ECT2L: variants seen among roughly 807,000 people sequenced by gnomAD.
The protein encoded by ECT2L is epithelial cell transforming 2 like, also known as epithelial cell-transforming sequence 2 oncogene-like.
ECT2L carries 126 observed loss-of-function variants against 122.8 expected under a neutral mutation model. The ratio of observed to expected loss-of-function variants is 1.03; its 90% CI spans 0.89 to 1.19. The LOEUF (loss-of-function observed/expected upper bound fraction) is 1.19, where lower values mean the gene tolerates loss of function less well. Ranked by LOEUF, ECT2L falls within the 50% of genes most tolerant of loss-of-function variation. The pLI is 0.00. For missense variants in ECT2L, 1,012 were observed against 1,064.1 expected (o/e 0.95, Z 0.68); for synonymous variants, 385 against 381.8 (o/e 1.01, Z -0.10).
chr6:138,844,302 A>C, intron 6 of ECT2L, 110 bp from the exon 7 acceptor site: 8 of 1,300,608 alleles, frequency 6.2e-6, no homozygotes, highest in Non-Finnish European at 8.5e-6. Context: ...AATTATTGTC[A>C]TTTGGAACCT....
chr6:138,879,934 G>A (rs969887722), intron 14 of ECT2L, among the ~76,000 whole-genome samples: 1 of 151,920 alleles, frequency 6.6e-6, no homozygotes, highest in African/African-American at 2.4e-5. Context: ...GCCTGGAAAA[G>A]AGAGTAAGAC....
At chr6:138,868,977 G>A (rs1178900252) in intron 13 of ECT2L, among the ~76,000 whole-genome samples, 1 of 152,118 alleles carries the variant, frequency 6.6e-6, no homozygotes, top group African/African-American at 2.4e-5. Context: ...GACCAGCCTG[G>A]CCAACATGGT....
rs1404134467 is a variant in ECT2L, at chr6:138,901,133, T to C, written c.2587+13T>C. On this transcript the variant is annotated intron_variant, in intron 21 of 21. Transcript: ENST00000541398. ...CCAGATTCCAAGTGTATGTATTCTTTTCCTTCCAAGAGACAGATACCTTCA... is the reference window on the plus strand; with the variant it reads ...CCAGATTCCAAGTGTATGTATTCTTCTCCTTCCAAGAGACAGATACCTTCA... The C allele has an allele frequency of 6.2e-7, 1 of 1,612,634 alleles. No individual in the cohort carries two copies. Among genetic ancestry groups the C allele is most frequent in the Non-Finnish European group, 8.5e-7 (1 of 1,179,108 alleles).
intron 10 of ECT2L, among the ~76,000 whole-genome samples, chr6:138,859,136 G>T (rs1777730353): frequency 6.6e-6 from 1 of 152,108 alleles, no homozygotes; most frequent in Admixed American, 6.5e-5. Flanking sequence ...GCAAGCACTG[G>T]CCTAGAATCT....
At chr6:138,815,898 T>C (rs904710414) in intron 4 of ECT2L, among the ~76,000 whole-genome samples, 19 of 152,328 alleles carry the variant, frequency 1.2e-4, no homozygotes, top group African/African-American at 4.6e-4. Context: ...TCAGCCATTT[T>C]TTCTCTCCTC....
At chr6:138,886,409 T>A (rs116366389) in intron 18 of ECT2L, among the ~76,000 whole-genome samples, 2,680 of 149,446 alleles carry the variant, frequency 0.018, 81 homozygotes, top group African/African-American at 0.062. Flanking sequence ...AAAATTGAAA[T>A]TTTTTTTTTC....
intron 13 of ECT2L, chr6:138,870,199 C>G (rs1354512468): frequency 1.3e-5 from 2 of 152,506 alleles, no homozygotes; most frequent in East Asian, 1.9e-4. Context: ...TTAGGACAAA[C>G]CTCTGGAATT....
chr6:138,875,281 T>C (rs1778400261), intron 13 of ECT2L, among the ~76,000 whole-genome samples: 1 of 152,240 alleles, frequency 6.6e-6, no homozygotes, highest in Non-Finnish European at 1.5e-5. Flanking sequence ...GGCTGCAGGT[T>C]TGCAGACCAG....
At chr6:138,816,839 G>A (rs1402023959) in intron 4 of ECT2L, among the ~76,000 whole-genome samples, 1 of 152,148 alleles carries the variant, frequency 6.6e-6, no homozygotes, top group Non-Finnish European at 1.5e-5. Context: ...CCATTTACGG[G>A]TACAATTCAG....
intron 4 of ECT2L, among the ~76,000 whole-genome samples, chr6:138,836,122 A>C (rs6916561): frequency 0.51 from 78,025 of 151,748 alleles, 20,912 homozygotes; most frequent in East Asian, 0.8. Flanking sequence ...CCATAGCTGG[A>C]GATTACATCC....
chr6:138,806,814 C>T (rs1178465711), intron 1 of ECT2L, among the ~76,000 whole-genome samples: 1 of 151,680 alleles, frequency 6.6e-6, no homozygotes, highest in Non-Finnish European at 1.5e-5. Context: ...CACCTGGCCA[C>T]GCATAGCTTT....
chr6:138,799,436 T>A (rs1344198481), intron 1 of ECT2L, among the ~76,000 whole-genome samples: 1 of 152,094 alleles, frequency 6.6e-6, no homozygotes, highest in African/African-American at 2.4e-5. Context: ...TTTGCATTTT[T>A]AGTAGAGACG....
chr6:138,858,381 C>T (rs1777695754), intron 10 of ECT2L, among the ~76,000 whole-genome samples: 1 of 152,166 alleles, frequency 6.6e-6, no homozygotes, highest in African/African-American at 2.4e-5. Flanking sequence ...TCAACAGTTA[C>T]TGCATAAGCC....
intron 13 of ECT2L, among the ~76,000 whole-genome samples, chr6:138,870,837 C>T (rs1582639395): frequency 6.6e-6 from 1 of 152,004 alleles, no homozygotes; most frequent in Non-Finnish European, 1.5e-5. Context: ...GGTGAAACCC[C>T]GTCTCTACTA....
chr6:138,888,648 C>T (rs1339482642), intron 19 of ECT2L, among the ~76,000 whole-genome samples: 2 of 152,080 alleles, frequency 1.3e-5, no homozygotes, highest in Non-Finnish European at 2.9e-5. Flanking sequence ...TTCTTATCCC[C>T]CAACCCCCAA....
chr6:138,801,359 T>C (rs1240036581), intron 1 of ECT2L, among the ~76,000 whole-genome samples: 1 of 152,124 alleles, frequency 6.6e-6, no homozygotes, highest in East Asian at 1.9e-4. Flanking sequence ...ATGCAGGAGT[T>C]GACAAACTTT....
chr6:138,833,852 G>C (rs1452354988), intron 4 of ECT2L, among the ~76,000 whole-genome samples: 1 of 151,702 alleles, frequency 6.6e-6, no homozygotes, highest in East Asian at 1.9e-4. Context: ...GACTGAAACT[G>C]GGGTATGAAC....
Position 138,814,616 on chromosome 6 carries a change from TA to T in ECT2L, c.179+15del. The stretch of plus-strand genomic sequence containing the variant: ...AATCACAATTAAGGTAAATGTAGCC[TA>T]ATGATGTAATTAACATTGATTCTTA... On this transcript the variant is annotated intron_variant, in intron 4 of 21. Transcript: ENST00000541398. The T allele has an allele frequency of 6.9e-7, 1 of 1,452,012 alleles. No individual in the cohort carries two copies. 89.9% of individuals were successfully genotyped at this position (1,452,012 alleles called of 1,614,324 possible).
chr6:138,857,230 A>G (rs781415756), intron 10 of ECT2L, among the ~76,000 whole-genome samples: 2 of 152,116 alleles, frequency 1.3e-5, no homozygotes, highest in Non-Finnish European at 1.5e-5. Context: ...AAAAAAATAA[A>G]AGGACAATAA....
Sources: gnomAD v4.1 joint callset for allele counts (sites outside exome capture counted in the v4.1 genomes callset) on GRCh38, gnomAD v4.1.1 for gene constraint, MANE v1.5 for transcripts, NCBI Gene and HGNC (gene_info 2026-07-23, HGNC 2026-07-21) for gene names.